IL1RAPL1: variants seen among roughly 807,000 people sequenced by gnomAD.
The protein encoded by IL1RAPL1 is interleukin-1 receptor accessory protein-like 1.
Under a neutral mutation model 48.4 loss-of-function variants are expected in IL1RAPL1, and 3 were observed. That is an observed-to-expected ratio of 0.06 (90% CI 0.03 to 0.16). The LOEUF is 0.16. IL1RAPL1 is among the 10% of genes least tolerant of loss of function. The pLI, the probability that IL1RAPL1 is intolerant of heterozygous loss-of-function variation, is 1.00. For missense variants in IL1RAPL1, 349 were observed against 530.6 expected, an observed-to-expected ratio of 0.66 and a Z score of 3.36; for synonymous variants, 185 against 187.7, an observed-to-expected ratio of 0.99 and a Z score of 0.12.
At chrX:29,397,038 C>T (rs1238652815) in intron 4 of IL1RAPL1, among the ~76,000 whole-genome samples, 1 of 112,214 alleles carries the variant, frequency 8.9e-6, no homozygotes, top group African/African-American at 3.2e-5. Context: ...CAACCTCTGA[C>T]TTTCCTATCA....
chrX:29,267,127 C>G (rs1417581284), intron 2 of IL1RAPL1, among the ~76,000 whole-genome samples: 1 of 112,005 alleles, frequency 8.9e-6, no homozygotes, highest in African/African-American at 3.2e-5. Context: ...CCACAGATAC[C>G]TAATCATTTC....
At chrX:29,392,409 C>G (rs900013694) in intron 3 of IL1RAPL1, among the ~76,000 whole-genome samples, 1 of 112,272 alleles carries the variant, frequency 8.9e-6, no homozygotes, top group African/African-American at 3.2e-5. Context: ...AAATTCCCCT[C>G]AGGGGTGTCA....
At chrX:28,737,800 T>C (rs1935861686) in intron 1 of IL1RAPL1, among the ~76,000 whole-genome samples, 4 of 112,294 alleles carry the variant, frequency 3.6e-5, no homozygotes, top group South Asian at 7.4e-4. Context: ...ACTCTTTCAT[T>C]ATAAAACAAT....
intron 1 of IL1RAPL1, among the ~76,000 whole-genome samples, chrX:28,674,365 C>T (rs922185656): frequency 9.0e-6 from 1 of 111,229 alleles, no homozygotes; most frequent in Non-Finnish European, 1.9e-5. Context: ...ACCCCCCTTC[C>T]CTATGCACTC....
chrX:29,196,773 C>T (rs1361142960), intron 2 of IL1RAPL1, among the ~76,000 whole-genome samples: 3 of 110,354 alleles, frequency 2.7e-5, no homozygotes, highest in Non-Finnish European at 5.7e-5. Context: ...CTCTTGGGGG[C>T]AGTAAGTTCC....
At chrX:29,727,127 G>A (rs140693620) in intron 6 of IL1RAPL1, among the ~76,000 whole-genome samples, 1 of 111,775 alleles carries the variant, frequency 8.9e-6, no homozygotes, top group East Asian at 2.8e-4. Flanking sequence ...TAACAATGGG[G>A]TTTTGTATGA....
chrX:29,884,433 T>A (rs1021567313), intron 6 of IL1RAPL1, among the ~76,000 whole-genome samples: 1 of 110,495 alleles, frequency 9.1e-6, no homozygotes, highest in Non-Finnish European at 1.9e-5. Context: ...CCACATTCTC[T>A]TAGTTTCCCT....
intron 2 of IL1RAPL1, among the ~76,000 whole-genome samples, chrX:29,124,985 A>G (rs1250700305): frequency 1.8e-5 from 2 of 112,322 alleles, no homozygotes; most frequent in Admixed American, 1.9e-4. Flanking sequence ...TCATATATAC[A>G]TAAACTAGCT....
chrX:28,664,606 T>C (rs1464029315), intron 1 of IL1RAPL1, among the ~76,000 whole-genome samples: 2 of 111,892 alleles, frequency 1.8e-5, no homozygotes, highest in Non-Finnish European at 1.9e-5. Context: ...GTATGATCAA[T>C]GGTTCTTTGT....
At chrX:28,727,836 C>T (rs1035870373) in intron 1 of IL1RAPL1, among the ~76,000 whole-genome samples, 6 of 109,989 alleles carry the variant, frequency 5.5e-5, no homozygotes, top group African/African-American at 1.0e-4. Context: ...AACCAAACGC[C>T]GCATATTCTC....
At chrX:29,288,602 G>A (rs183137998) in intron 3 of IL1RAPL1, among the ~76,000 whole-genome samples, 86 of 112,007 alleles carry the variant, frequency 7.7e-4, no homozygotes, top group African/African-American at 2.7e-3. Flanking sequence ...GCTATTGTGA[G>A]TAGTGCTGCA....
chrX:28,757,796 T>G lies in IL1RAPL1; in HGVS notation c.-24-31524T>G, dbSNP rs1936121991. Among the ~76,000 whole-genome samples the G allele has an allele frequency of 2.7e-5, 3 of 112,269 alleles. No homozygotes were observed. In the South Asian group the frequency reaches 1.1e-3, roughly 42 times the overall value. On this transcript the variant is annotated intron_variant, in intron 1 of 10. Coordinates refer to ENST00000378993, the MANE Select transcript of IL1RAPL1 (RefSeq NM_014271.4). ...TCTGCTTTATAGCTTATTTACTCTT[T>G]AGTCGACGTTCCATACAACATAGAT...
At chrX:29,509,382 T>A (rs1935369649) in intron 5 of IL1RAPL1, among the ~76,000 whole-genome samples, 1 of 112,245 alleles carries the variant, frequency 8.9e-6, no homozygotes, top group Non-Finnish European at 1.9e-5. Flanking sequence ...CAGCAGCACC[T>A]AGATTAGTGT....
chrX:29,433,758 G>A (rs1419368072), intron 5 of IL1RAPL1, among the ~76,000 whole-genome samples: 1 of 110,637 alleles, frequency 9.0e-6, no homozygotes, highest in Non-Finnish European at 1.9e-5. Context: ...AATTCATTGA[G>A]TTTTTAAGTA....
At chrX:29,698,418 G>A (rs749244574) in intron 6 of IL1RAPL1, among the ~76,000 whole-genome samples, 2 of 111,087 alleles carry the variant, frequency 1.8e-5, no homozygotes, top group African/African-American at 3.3e-5. Flanking sequence ...CTGGTTATTC[G>A]CTGTCTTAGC....
At chrX:28,969,712 C>T (rs1444317130) in intron 2 of IL1RAPL1, among the ~76,000 whole-genome samples, 1 of 108,673 alleles carries the variant, frequency 9.2e-6, no homozygotes, top group Non-Finnish European at 1.9e-5. Context: ...TTTTTTAATA[C>T]TAAGAAATTG....
intron 5 of IL1RAPL1, among the ~76,000 whole-genome samples, chrX:29,597,149 ATTTT>A (rs35180262): frequency 1.3e-4 from 7 of 55,932 alleles, no homozygotes; most frequent in Middle Eastern, 0.01. Context: ...TTTGTTGAGG[ATTTT>A]TTTTTTTTTT....
At chrX:28,819,776 C>A (rs1489842165) in intron 2 of IL1RAPL1, among the ~76,000 whole-genome samples, 3 of 106,871 alleles carry the variant, frequency 2.8e-5, no homozygotes, top group Non-Finnish European at 3.9e-5. Context: ...ATTAAATATA[C>A]TCATTATCAG....
chrX:29,523,567 C>A (rs1281522003), intron 5 of IL1RAPL1, among the ~76,000 whole-genome samples: 1 of 111,781 alleles, frequency 8.9e-6, no homozygotes, highest in African/African-American at 3.2e-5. Context: ...CTTCAAAAAA[C>A]ACACTGAATG....
Sources: gnomAD v4.1 joint callset for allele counts (sites outside exome capture counted in the v4.1 genomes callset) on GRCh38, gnomAD v4.1.1 for gene constraint, MANE v1.5 for transcripts, NCBI Gene and HGNC (gene_info 2026-07-23, HGNC 2026-07-21) for gene names.